The following CAMK1D variants were observed in gnomAD, a reference collection of about 807,000 sequenced individuals.
The protein encoded by CAMK1D is calcium/calmodulin dependent protein kinase ID, also known as calcium/calmodulin-dependent protein kinase type 1D.
A neutral mutation model predicts 47.7 loss-of-function variants in CAMK1D; 9 were observed. The observed-to-expected ratio is 0.19, with a 90% CI of 0.11 to 0.33. CAMK1D has a LOEUF of 0.33. CAMK1D is among the 10% of genes least tolerant of loss of function. CAMK1D has a pLI of 1.00. For missense variants in CAMK1D, 291 were observed against 488.7 expected (o/e 0.60, Z 3.81); for synonymous variants, 184 against 184.9 (o/e 0.99, Z 0.04).
intron 2 of CAMK1D, among the ~76,000 whole-genome samples, chr10:12,627,623 T>G (rs181461817): frequency 2.0e-4 from 30 of 152,346 alleles, no homozygotes; most frequent in African/African-American, 7.2e-4. Context: ...CTAGACTTCA[T>G]GTAAATGGAA....
At chr10:12,566,196 A>G (rs1837119302) in intron 2 of CAMK1D, among the ~76,000 whole-genome samples, 1 of 152,142 alleles carries the variant, frequency 6.6e-6, no homozygotes, top group Admixed American at 6.5e-5. Flanking sequence ...TGCTGTGTAC[A>G]TTATTATTAT....
intron 2 of CAMK1D, among the ~76,000 whole-genome samples, chr10:12,658,189 T>G (rs1301914254): frequency 1.3e-5 from 2 of 152,040 alleles, no homozygotes; most frequent in Admixed American, 1.3e-4. Flanking sequence ...GAAAGGTGAT[T>G]GGTGCTGCAA....
chr10:12,826,309 A>T (rs532060223), intron 10 of CAMK1D, among the ~76,000 whole-genome samples: 6 of 151,928 alleles, frequency 3.9e-5, no homozygotes. Flanking sequence ...TTGTACAGTC[A>T]CTCTTGCGGA....
At chr10:12,363,323 C>T (rs1335655115) in intron 1 of CAMK1D, among the ~76,000 whole-genome samples, 3 of 151,862 alleles carry the variant, frequency 2.0e-5, no homozygotes, top group African/African-American at 7.3e-5. Flanking sequence ...GGTACAGTCT[C>T]GGCCCACTGC....
intron 1 of CAMK1D, among the ~76,000 whole-genome samples, chr10:12,421,508 A>ATTTTT (rs1840048010): frequency 1.1e-4 from 6 of 53,776 alleles, no homozygotes; most frequent in Non-Finnish European, 1.9e-4. Context: ...TTTATCCAGG[A>ATTTTT]TTCTTTTTTT....
intron 1 of CAMK1D, among the ~76,000 whole-genome samples, chr10:12,514,509 T>C (rs978388066): frequency 9.9e-5 from 15 of 152,220 alleles, no homozygotes; most frequent in African/African-American, 3.4e-4. Flanking sequence ...CATGGTGAGA[T>C]AGAGATAGGA....
intron 3 of CAMK1D, among the ~76,000 whole-genome samples, chr10:12,757,062 C>T (rs1183143162): frequency 6.6e-6 from 1 of 152,208 alleles, no homozygotes; most frequent in Non-Finnish European, 1.5e-5. Context: ...TCTTTGCCAG[C>T]CTGTTTACCT....
intron 2 of CAMK1D, among the ~76,000 whole-genome samples, chr10:12,663,113 G>T (rs540512975): frequency 6.6e-6 from 1 of 151,632 alleles, no homozygotes; most frequent in African/African-American, 2.4e-5. Context: ...GGCACATGCC[G>T]CCACGCCCAG....
At chr10:12,493,686 G>T (rs1389026528) in intron 1 of CAMK1D, among the ~76,000 whole-genome samples, 2 of 152,228 alleles carry the variant, frequency 1.3e-5, no homozygotes, top group Middle Eastern at 3.4e-3. Context: ...TAGGGATGGG[G>T]TTTCACTATG....
chr10:12,622,698 AG>A (rs1241751829), intron 2 of CAMK1D, among the ~76,000 whole-genome samples: 2 of 152,096 alleles, frequency 1.3e-5, no homozygotes, highest in Non-Finnish European at 2.9e-5. Flanking sequence ...TCTCCCTGAA[AG>A]GAGACAAACG....
intron 1 of CAMK1D, among the ~76,000 whole-genome samples, chr10:12,470,981 T>G (rs528360841): frequency 6.6e-6 from 1 of 152,354 alleles, no homozygotes; most frequent in South Asian, 2.1e-4. Flanking sequence ...TTGATTTGCC[T>G]TCTTTTTGTT....
rs1564497563 is a variant in CAMK1D, at chr10:12,693,957, TATATATAAA to T, written c.299+27156_299+27164del. 7.6e-5 allele frequency among the ~76,000 whole-genome samples: 4 copies of T among 52,310 alleles called. No homozygotes were observed. The East Asian group carries it at 1.9e-3, about 25-fold the overall frequency. 34.3% of individuals were successfully genotyped at this position (52,310 alleles called of 152,430 possible). ...CATATATAAAATATATAATATATAT[TATATATAAA>T]ATATATAATATATATTATATATACA... On this transcript the variant is annotated intron_variant, in intron 3 of 10. Coordinates refer to ENST00000619168, the MANE Select transcript of CAMK1D (RefSeq NM_153498.4).
chr10:12,773,411 C>T (rs1454059596), intron 5 of CAMK1D, among the ~76,000 whole-genome samples: 2 of 152,180 alleles, frequency 1.3e-5, no homozygotes, highest in Non-Finnish European at 2.9e-5. Flanking sequence ...CTAGGCGTGG[C>T]CTCTGTGTAC....
At chr10:12,435,973 G>A (rs772480886) in intron 1 of CAMK1D, among the ~76,000 whole-genome samples, 4 of 152,244 alleles carry the variant, frequency 2.6e-5, no homozygotes, top group Non-Finnish European at 5.9e-5. Flanking sequence ...TGAGCAGAAT[G>A]GGGTGGTGGG....
chr10:12,588,609 T>C (rs948699132), intron 2 of CAMK1D, among the ~76,000 whole-genome samples: 9 of 152,056 alleles, frequency 5.9e-5, no homozygotes, highest in African/African-American at 2.2e-4. Context: ...CCCCACCACC[T>C]GCACCTGCTC....
intron 8 of CAMK1D, among the ~76,000 whole-genome samples, chr10:12,822,048 G>A: frequency 6.6e-6 from 1 of 152,220 alleles, no homozygotes; most frequent in East Asian, 1.9e-4. Context: ...CTAAGTGTGT[G>A]TATATGGATT....
At chr10:12,460,962 A>C (rs1014332335) in intron 1 of CAMK1D, among the ~76,000 whole-genome samples, 7 of 152,160 alleles carry the variant, frequency 4.6e-5, no homozygotes, top group Admixed American at 1.3e-4. Flanking sequence ...CTCAGGGTGG[A>C]CTTGGGAGGA....
intron 7 of CAMK1D, among the ~76,000 whole-genome samples, chr10:12,815,155 C>T (rs986724483): frequency 2.0e-5 from 3 of 152,178 alleles, no homozygotes; most frequent in African/African-American, 7.2e-5. Context: ...GCAGAGCCGG[C>T]ATTTGAAATG....
chr10:12,446,853 A>G (rs908926911), intron 1 of CAMK1D, among the ~76,000 whole-genome samples: 6 of 152,112 alleles, frequency 3.9e-5, no homozygotes, highest in Non-Finnish European at 8.8e-5. Flanking sequence ...GCTGTATCTT[A>G]GTTGGATGTT....
Sources: allele counts gnomAD v4.1 joint callset (sites outside exome capture counted in the v4.1 genomes callset), GRCh38; gene constraint gnomAD v4.1.1; transcripts MANE v1.5; gene names NCBI Gene and HGNC (gene_info 2026-07-23, HGNC 2026-07-21).